Variants in KCNQ3 observed in about 807,000 individuals in gnomAD.
KCNQ3 encodes potassium voltage-gated channel subfamily KQT member 3.
A neutral mutation model predicts 92.5 loss-of-function variants in KCNQ3; 30 were observed. The observed-to-expected ratio is 0.32, with a 90% CI of 0.24 to 0.44. The LOEUF is 0.44. Among genes scored for constraint, KCNQ3 ranks in the 20% least tolerant of loss-of-function variants. KCNQ3 has a pLI of 1.00. For missense variants in KCNQ3, 913 were observed against 1,140.3 expected, an observed-to-expected ratio of 0.80 and a Z score of 2.87; for synonymous variants, 450 against 468.8, an observed-to-expected ratio of 0.96 and a Z score of 0.52.
At chr8:132,273,832 T>C (rs1221219743) in intron 1 of KCNQ3, among the ~76,000 whole-genome samples, 1 of 152,212 alleles carries the variant, frequency 6.6e-6, no homozygotes, top group East Asian at 1.9e-4. Context: ...CTAGTTTCTT[T>C]GCTAAAACAT....
intron 12 of KCNQ3, among the ~76,000 whole-genome samples, chr8:132,135,675 A>T (rs1017235980): frequency 6.6e-6 from 1 of 152,086 alleles, no homozygotes; most frequent in Admixed American, 6.6e-5. Flanking sequence ...TGCCTTAGAC[A>T]TCATGCTTCA....
At chr8:132,150,877 C>A (rs1825616149) in intron 9 of KCNQ3, among the ~76,000 whole-genome samples, 1 of 151,834 alleles carries the variant, frequency 6.6e-6, no homozygotes, top group African/African-American at 2.4e-5. Flanking sequence ...AATTAATTGG[C>A]CTAAAAGAAG....
At chr8:132,262,634 G>T (rs1014148877) in intron 1 of KCNQ3, among the ~76,000 whole-genome samples, 1 of 141,840 alleles carries the variant, frequency 7.1e-6, no homozygotes, top group East Asian at 2.1e-4. Context: ...TCTTACAGCA[G>T]TTTTTTTTTT....
chr8:132,156,430 A>G (rs760240329), intron 9 of KCNQ3, among the ~76,000 whole-genome samples: 1 of 151,982 alleles, frequency 6.6e-6, no homozygotes, highest in Non-Finnish European at 1.5e-5. Flanking sequence ...GGCTATGACT[A>G]CCTCCTAACT....
intron 1 of KCNQ3, among the ~76,000 whole-genome samples, chr8:132,227,879 T>C (rs1332807472): frequency 2.6e-5 from 4 of 152,172 alleles, no homozygotes; most frequent in African/African-American, 9.7e-5. Context: ...TGTGCTAGAA[T>C]GTCTTCACAG....
chr8:132,271,496 A>C (rs1272373139), intron 1 of KCNQ3, among the ~76,000 whole-genome samples: 1 of 152,192 alleles, frequency 6.6e-6, no homozygotes, highest in Non-Finnish European at 1.5e-5. Flanking sequence ...CTTGGCTGCC[A>C]TGCATTTCAC....
rs75726593 is a variant in KCNQ3 at position 132,286,525 on chromosome 8, T to C, written c.387-100344A>G. On this transcript the variant is annotated intron_variant, in intron 1 of 14. Coordinates refer to ENST00000388996, the MANE Select transcript of KCNQ3 (RefSeq NM_004519.4). ...TTAGAAGTAGACAACTTGTTTTTAA[T>C]TTTACAGGCTCACAGGTGGAAGGAG... Among the ~76,000 whole-genome samples the C allele has an allele frequency of 2.4e-3, 373 of 152,322 alleles. 3 individuals carry two copies. Among genetic ancestry groups the C allele is most frequent in the African/African-American group, 8.7e-3 (361 of 41,558 alleles).
At chr8:132,322,097 G>C (rs905001397) in intron 1 of KCNQ3, among the ~76,000 whole-genome samples, 2 of 152,156 alleles carry the variant, frequency 1.3e-5, no homozygotes, top group Non-Finnish European at 2.9e-5. Flanking sequence ...GAGATAAGAC[G>C]GTTAAGTCAT....
chr8:132,425,723 C>T (rs957399943), intron 1 of KCNQ3, among the ~76,000 whole-genome samples: 3 of 152,164 alleles, frequency 2.0e-5, no homozygotes, highest in Non-Finnish European at 4.4e-5. Flanking sequence ...TAAGATCCTC[C>T]GGCAGCATGA....
At chr8:132,453,084 G>A (rs574528251) in intron 1 of KCNQ3, among the ~76,000 whole-genome samples, 66 of 152,234 alleles carry the variant, frequency 4.3e-4, no homozygotes, top group African/African-American at 1.4e-3. Context: ...TTAAGGGTGC[G>A]GTCTCTCGGG....
chr8:132,234,338 G>GTTTTTTT (rs756218792), intron 1 of KCNQ3, among the ~76,000 whole-genome samples: 2 of 85,668 alleles, frequency 2.3e-5, no homozygotes, highest in Non-Finnish European at 4.5e-5. Context: ...TCCATGAAAA[G>GTTTTTTT]TTTTTTTTTT....
chr8:132,380,958 T>C (rs1819735170), intron 1 of KCNQ3, among the ~76,000 whole-genome samples: 1 of 145,292 alleles, frequency 6.9e-6, no homozygotes, highest in African/African-American at 2.6e-5. Context: ...AAAACAACCT[T>C]GGAAGAGGAG....
rs1250682420 is a variant in KCNQ3 at position 132,126,631 on chromosome 8, G to C, written c.*2631C>G. ...CTATACTGATAAAGACAACTTACTA[G>C]ATGTTAGACAATCAATACTTCCCTA... is the stretch of plus-strand genomic sequence containing the variant. On this transcript the variant is annotated 3_prime_UTR_variant, in exon 15 of 15. Coordinates refer to ENST00000388996, the MANE Select transcript of KCNQ3 (RefSeq NM_004519.4). The C allele has an allele frequency of 2.0e-5, 3 of 151,694 alleles. No homozygotes were observed. The highest frequency in any genetic ancestry group is 7.3e-5 in the African/African-American group (3 of 41,250). The allele number at this position is 151,694 out of a possible 1,614,324, so 9.4% of individuals were successfully genotyped here.
intron 9 of KCNQ3, among the ~76,000 whole-genome samples, chr8:132,161,705 C>A (rs1475664639): frequency 6.6e-6 from 1 of 151,824 alleles, no homozygotes; most frequent in Non-Finnish European, 1.5e-5. Context: ...GTTGGAACAC[C>A]AGGTGGCTGT....
chr8:132,243,945 A>G (rs1476752126), intron 1 of KCNQ3, among the ~76,000 whole-genome samples: 1 of 152,212 alleles, frequency 6.6e-6, no homozygotes, highest in Non-Finnish European at 1.5e-5. Flanking sequence ...AAAAGGAGGA[A>G]GATCAATGGC....
At position 132,262,643 on chromosome 8, in the gene KCNQ3, T is replaced by TTTC. The variant is rs961393117; in HGVS notation, c.387-76463_387-76462insGAA. On this transcript the variant is annotated intron_variant, in intron 1 of 14. Transcript: ENST00000388996. ...GGAATTTCTTACAGCAGTTTTTTTT[T>TTTC]TTTTTTTACCATGATATACTCTTGA... 2.0e-5 allele frequency among the ~76,000 whole-genome samples: 3 copies of TTTC among 151,034 alleles called. No individual in the cohort carries two copies. The South Asian group carries it at 6.3e-4, about 32-fold the overall frequency.
chr8:132,186,907 CGTGTGTGTGT>C (rs145871547), intron 1 of KCNQ3, among the ~76,000 whole-genome samples: 20 of 111,434 alleles, frequency 1.8e-4, no homozygotes, highest in African/African-American at 7.3e-4. Context: ...CTGTGAGGTG[CGTGTGTGTGT>C]GTGTGTGTGT....
rs77010329 is a variant in KCNQ3, at chr8:132,139,750, C to T, written c.1568+326G>A. Among the ~76,000 whole-genome samples the T allele has an allele frequency of 0.01, 1,550 of 152,140 alleles. 21 individuals are homozygous for T. The highest frequency in any genetic ancestry group is 0.034 in the African/African-American group (1,423 of 41,476). On this transcript the variant is annotated intron_variant, in intron 11 of 14. Transcript: ENST00000388996. Reference sequence around the variant, plus strand: ...CAAGAAGCCTCTACAGGAAGAAAACCCTCCACTCTGACACCCTTTAAAATA... The same window carrying T: ...CAAGAAGCCTCTACAGGAAGAAAACTCTCCACTCTGACACCCTTTAAAATA...
rs2469625 is a variant in KCNQ3 at position 132,130,063 on chromosome 8, G to C, written c.1885-67C>G. On this transcript the variant is annotated intron_variant, in intron 14 of 14. Coordinates refer to ENST00000388996, the MANE Select transcript of KCNQ3 (RefSeq NM_004519.4). ...GGTGGGGATCGTTGCTATTGGTTGGGAGGAAATATTCTTTTTTTTTGTTTT... is the reference window on the plus strand; with the variant it reads ...GGTGGGGATCGTTGCTATTGGTTGGCAGGAAATATTCTTTTTTTTTGTTTT... 0.47 allele frequency: 697,554 copies of C among 1,493,784 alleles called. 170,592 individuals carry two copies. Among genetic ancestry groups the C allele is most frequent in the Non-Finnish European group, 0.51 (560,730 of 1,096,220 alleles). The allele number at this position is 1,493,784 out of a possible 1,614,324, so 92.5% of individuals were successfully genotyped here.
Sources: gnomAD v4.1 joint callset for allele counts (sites outside exome capture counted in the v4.1 genomes callset) on GRCh38, gnomAD v4.1.1 for gene constraint, MANE v1.5 for transcripts, NCBI Gene and HGNC (gene_info 2026-07-23, HGNC 2026-07-21) for gene names.